Variants in BEST3 observed in about 807,000 individuals in gnomAD.
BEST3 encodes the protein bestrophin-3.
A neutral mutation model predicts 47.1 loss-of-function variants in BEST3; 50 were observed. The ratio of observed to expected loss-of-function variants is 1.06; its 90% CI spans 0.85 to 1.34. The LOEUF (loss-of-function observed/expected upper bound fraction) is 1.34, where lower values mean the gene tolerates loss of function less well. Ranked by LOEUF, BEST3 falls within the 40% of genes most tolerant of loss-of-function variation. The probability of loss-of-function intolerance (pLI) is 0.00; values close to 1 mark genes in which losing one functional copy is unlikely to be tolerated. For missense variants in BEST3, 765 were observed against 817.0 expected, an observed-to-expected ratio of 0.94 and a Z score of 0.78; for synonymous variants, 282 against 298.8, an observed-to-expected ratio of 0.94 and a Z score of 0.58.
chr12:69,649,879 C>A (rs1369320580), downstream of BEST3, among the ~76,000 whole-genome samples: 1 of 152,182 alleles, frequency 6.6e-6, no homozygotes, highest in Non-Finnish European at 1.5e-5. Flanking sequence ...TAGAAACGTT[C>A]TTATTTGTTT....
downstream of BEST3, among the ~76,000 whole-genome samples, chr12:69,651,277 G>T (rs547235990): frequency 6.6e-6 from 1 of 152,288 alleles, no homozygotes; most frequent in Admixed American, 6.5e-5. Flanking sequence ...CTCTCACGAT[G>T]CCTCATGAAG....
Position 69,655,801 on chromosome 12 carries a change from G to A in BEST3, c.1113C>T (p.Ser371=), listed in dbSNP as rs201940555. 4.9e-5 allele frequency: 78 copies of A among 1,607,038 alleles called. No individual in the cohort carries two copies. In the South Asian group the frequency reaches 6.9e-4, roughly 14 times the overall value. The change falls in exon 10 of 10, where the codon TCC becomes TCT. Residue 371 remains serine, a synonymous_variant. Coordinates refer to ENST00000330891, the MANE Select transcript of BEST3 (RefSeq NM_032735.3). ...ACAGCCACTCCTCGTCAGGAAAGTCGGACCCAGACAGCCTGAAACACACAA... is the reference window on the plus strand; with the variant it reads ...ACAGCCACTCCTCGTCAGGAAAGTCAGACCCAGACAGCCTGAAACACACAA... ...GSTVQMGLSG[S]DFPDEEWLWD... is the part of the protein sequence containing the mutation.
chr12:69,645,054 C>A (rs560025069), intron 9 of BEST3, among the ~76,000 whole-genome samples: 15 of 152,000 alleles, frequency 9.9e-5, no homozygotes, highest in Non-Finnish European at 1.9e-4. Flanking sequence ...ATTGAAGAAC[C>A]TATGGGGGGC....
At chr12:69,680,558 C>G (rs538667596) in intron 4 of BEST3, among the ~76,000 whole-genome samples, 4 of 152,022 alleles carry the variant, frequency 2.6e-5, no homozygotes, top group Non-Finnish European at 4.4e-5. Flanking sequence ...CCGCCCTCCT[C>G]GGCCTCCCAA....
chr12:69,689,238 A>G, intron 4 of BEST3: 1 of 985,586 alleles, frequency 1.0e-6, no homozygotes, highest in Non-Finnish European at 1.2e-6. Flanking sequence ...AGAACTTGGA[A>G]GCAGACCCCA....
chr12:69,697,520 T>G, intron 2 of BEST3, 127 bp downstream of exon 2: 1 of 690,412 alleles, frequency 1.4e-6, no homozygotes, highest in Non-Finnish European at 2.3e-6. Context: ...AGAAGACAAA[T>G]GAGAGGCTCA....
chr12:69,693,960 G>T, intron 3 of BEST3, 53 bp from the exon 4 acceptor site: 3 of 1,332,416 alleles, frequency 2.3e-6, no homozygotes, highest in Non-Finnish European at 2.1e-6. Context: ...ACACGTTGGT[G>T]ACACTGATGC....
chr12:69,657,850 T>C (rs573683682), intron 9 of BEST3, among the ~76,000 whole-genome samples: 1 of 152,242 alleles, frequency 6.6e-6, no homozygotes, highest in Non-Finnish European at 1.5e-5. Context: ...TGTGCTGTTT[T>C]TCTAAAGCCT....
chr12:69,680,712 A>G (rs775484), intron 4 of BEST3, among the ~76,000 whole-genome samples: 45,843 of 151,958 alleles, frequency 0.3, 7,384 homozygotes, highest in East Asian at 0.49. Flanking sequence ...CAGCCATAAA[A>G]TTTCCCTCCC....
intron 2 of BEST3, among the ~76,000 whole-genome samples, chr12:69,695,398 G>T (rs1428302520): frequency 6.6e-6 from 1 of 152,196 alleles, no homozygotes; most frequent in East Asian, 1.9e-4. Context: ...CAACCAATTA[G>T]ATTGCAGATA....
intron 9 of BEST3, among the ~76,000 whole-genome samples, chr12:69,646,941 A>G (rs937597572): frequency 9.9e-5 from 15 of 152,020 alleles, no homozygotes; most frequent in Non-Finnish European, 1.2e-4. Flanking sequence ...TTGGGGAATA[A>G]AAAAAAAGAT....
chr12:69,689,542 C>T (rs975425098), intron 4 of BEST3, among the ~76,000 whole-genome samples: 2 of 152,150 alleles, frequency 1.3e-5, no homozygotes, highest in African/African-American at 4.8e-5. Context: ...CAATATATTC[C>T]TGTGGGGACA....
downstream of BEST3, among the ~76,000 whole-genome samples, chr12:69,651,661 G>A (rs542996935): frequency 6.6e-6 from 1 of 151,936 alleles, no homozygotes; most frequent in East Asian, 1.9e-4. Context: ...TGTAATCCAA[G>A]CTACTCGGGA....
Position 69,684,981 on chromosome 12 carries a change from G to GTTCTATTCTATTCTATTCTATTCTA in BEST3, c.482-6113_482-6089dup, listed in dbSNP as rs59611126. Among the ~76,000 whole-genome samples the GTTCTATTCTATTCTATTCTATTCTA allele has an allele frequency of 1.4e-3, 201 of 142,200 alleles. 2 individuals are homozygous for GTTCTATTCTATTCTATTCTATTCTA. Among genetic ancestry groups the GTTCTATTCTATTCTATTCTATTCTA allele is most frequent in the Middle Eastern group, 3.6e-3 (1 of 278 alleles). The allele number at this position is 142,200 out of a possible 152,430, so 93.3% of individuals were successfully genotyped here. A position where few individuals can be genotyped will look rare whatever the true frequency, so the allele number is the denominator to read the frequency against. On this transcript the variant is annotated intron_variant, in intron 4 of 9. Transcript: ENST00000330891. ...CCTGCCACATGATGTGCTTTCTGCT[G>GTTCTATTCTATTCTATTCTATTCTA]TTCTATTCTATTCTATTCTATTCTA... is the stretch of plus-strand genomic sequence containing the variant.
In BEST3 at chr12:69,655,026, T is replaced by C; in HGVS notation, c.1888A>G (p.Ile630Val). 6.2e-7 allele frequency: 1 copy of C among 1,614,148 alleles called. No homozygotes were observed. The highest frequency in any genetic ancestry group is 1.1e-5 in the South Asian group (1 of 91,086). Residue 630 changes from isoleucine (I) to valine (V), a missense_variant, in exon 10 of 10, where the codon ATC becomes GTC. Transcript: ENST00000330891. ...ACTCGAGAGCCAGCCACAATGTTGA[T>C]CCCACTGATCTCTGAGGATGTTTCT... Reference protein sequence around the residue: ...DTETSSEISGINIVAGSRVSS... With the variant: ...DTETSSEISGVNIVAGSRVSS...
At chr12:69,656,817 G>T (rs1883530692) in intron 9 of BEST3, among the ~76,000 whole-genome samples, 1 of 152,130 alleles carries the variant, frequency 6.6e-6, no homozygotes, top group Non-Finnish European at 1.5e-5. Flanking sequence ...GGGGTCAAGG[G>T]ATGAGCTAGA....
At chr12:69,692,307 T>C (rs1241947036) in intron 4 of BEST3, among the ~76,000 whole-genome samples, 1 of 152,264 alleles carries the variant, frequency 6.6e-6, no homozygotes, top group African/African-American at 2.4e-5. Context: ...GGACTCAATG[T>C]GAAGGCAGAA....
chr12:69,673,202 G>A (rs751126911), intron 7 of BEST3, among the ~76,000 whole-genome samples: 8 of 152,190 alleles, frequency 5.3e-5, no homozygotes, highest in Non-Finnish European at 1.2e-4. Context: ...TTCAACTGGT[G>A]ACAATGCAGG....
chr12:69,677,598 T>C (rs977712906), intron 5 of BEST3, among the ~76,000 whole-genome samples: 1 of 152,140 alleles, frequency 6.6e-6, no homozygotes, highest in Non-Finnish European at 1.5e-5. Flanking sequence ...CTGGGCAACA[T>C]AGAAAGACAT....
Sources: allele counts gnomAD v4.1 joint callset (sites outside exome capture counted in the v4.1 genomes callset), GRCh38; gene constraint gnomAD v4.1.1; transcripts MANE v1.5; gene names NCBI Gene and HGNC (gene_info 2026-07-23, HGNC 2026-07-21).